ZNF579: variants seen among roughly 807,000 people sequenced by gnomAD.
ZNF579 encodes the protein zinc finger protein 579.
A neutral mutation model predicts 5.7 loss-of-function variants in ZNF579; 3 were observed. The observed-to-expected ratio is 0.53, with a 90% CI of 0.24 to 1.36. The LOEUF is 1.36. Among genes scored for constraint, ZNF579 ranks in the 40% most tolerant of loss-of-function variants. The pLI is 0.16. For missense variants in ZNF579, 679 were observed against 877.6 expected (o/e 0.77, Z 2.86); for synonymous variants, 454 against 409.0 (o/e 1.11, Z -1.33).
Position 55,578,249 on chromosome 19 carries a change from C to T in ZNF579, c.1391G>A (p.Arg464His), listed in dbSNP as rs1401216761. 3 of 1,392,132 alleles carry T rather than the reference C, an allele frequency of 2.2e-6. No homozygotes were observed. The highest frequency in any genetic ancestry group is 3.5e-5 in the Admixed American group (1 of 28,754). The allele number at this position is 1,392,132 out of a possible 1,614,324, so 86.2% of individuals were successfully genotyped here. Residue 464 changes from arginine (R) to histidine (H), a missense_variant, in exon 2 of 2, where the codon CGC becomes CAC. Transcript: ENST00000325421. ...YSLLRHQRCH[R>H]AELERAAALQ... ...CGCGGCGGCCCTCTCCAGCTCTGCG[C>T]GGTGGCAGCGCTGGTGGCGCAGGAG...
chr19:55,578,592 C>T lies in ZNF579; in HGVS notation c.1048G>A (p.Glu350Lys). The T allele has an allele frequency of 6.7e-7, 1 of 1,503,198 alleles. No individual in the cohort carries two copies. Among genetic ancestry groups the T allele is most frequent in the Non-Finnish European group, 8.8e-7 (1 of 1,137,650 alleles). The allele number at this position is 1,503,198 out of a possible 1,614,324, so 93.1% of individuals were successfully genotyped here. ...CCGCACTCCGCCCCCTCGCCCCCCT[C>T]CGGCCCCTTGGCTGAGTTCCGTGCA... ...SGARNSAKGP[E>K]GGEGAECGGA... Residue 350 changes from glutamate to lysine, a missense_variant, in exon 2 of 2, where the codon GAG becomes AAG. Around this residue, in one of 6 missense-constraint regions of ZNF579, gnomAD observed 114 missense variants for 98.9 expected, o/e 1.15. Coordinates refer to ENST00000325421, the MANE Select transcript of ZNF579 (RefSeq NM_152600.3).
In ZNF579 at chr19:55,579,781, A is replaced by G. The variant is rs1979586148; in HGVS notation, c.-2-140T>C. ...TATTTAGCCAGGAGAGAGATATGAG[A>G]CAGAGACAAAGATGAGAGACACCGA... On this transcript the variant is annotated intron_variant, in intron 1 of 1. Coordinates refer to ENST00000325421, the MANE Select transcript of ZNF579 (RefSeq NM_152600.3). 16 of 969,470 alleles carry G rather than the reference A, an allele frequency of 1.7e-5. No homozygotes were observed. In the South Asian group the frequency reaches 3.9e-4, roughly 24 times the overall value. 60.1% of individuals were successfully genotyped at this position (969,470 alleles called of 1,614,324 possible).
In ZNF579 at chr19:55,578,808, C is replaced by A. The variant is rs749575627; in HGVS notation, c.832G>T (p.Ala278Ser). The A allele has an allele frequency of 1.2e-6, 2 of 1,602,756 alleles. No homozygotes were observed. Among genetic ancestry groups the A allele is most frequent in the East Asian group, 2.3e-5 (1 of 44,398 alleles). The change falls in exon 2 of 2, where the codon GCC (alanine) becomes TCC (serine). Residue 278 changes from alanine (A) to serine (S), a missense_variant. By Grantham distance (99) the Ala-to-Ser change is moderately conservative. Coordinates refer to ENST00000325421, the MANE Select transcript of ZNF579 (RefSeq NM_152600.3). ...KRHQCSICLK[A>S]FARPWSLSRH... Reference sequence around the variant, plus strand: ...GACAGGGACCAGGGCCTGGCGAAGGCCTTGAGGCAGATGGAGCACTGGTGT... The same window carrying A: ...GACAGGGACCAGGGCCTGGCGAAGGACTTGAGGCAGATGGAGCACTGGTGT...
Position 55,579,396 on chromosome 19 carries a change from G to A in ZNF579, c.244C>T (p.Arg82Cys). 1 of 1,340,382 alleles carries A rather than the reference G, an allele frequency of 7.5e-7. No homozygotes were observed. Among genetic ancestry groups the A allele is most frequent in the Non-Finnish European group, 9.6e-7 (1 of 1,045,362 alleles). The allele number at this position is 1,340,382 out of a possible 1,614,324, so 83.0% of individuals were successfully genotyped here. ...TGGCGGGAAAGGTGGGCCGGCCGGCGGAAGGCCTTGGGGCACAGCGGGCAG... is the reference window on the plus strand; with the variant it reads ...TGGCGGGAAAGGTGGGCCGGCCGGCAGAAGGCCTTGGGGCACAGCGGGCAG... ...HACPLCPKAFRRPAHLSRHLR... is the reference protein window; with the variant it reads ...HACPLCPKAFCRPAHLSRHLR... The change falls in exon 2 of 2, where the codon CGC becomes TGC. Residue 82 changes from arginine to cysteine, a missense_variant. Transcript: ENST00000325421.
chr19:55,579,377 GA>G lies in ZNF579; in HGVS notation c.262del (p.Ser88ProfsTer119). ...GGGCCCGTGGCCGCGCAGGTGGCGGGAAAGGTGGGCCGGCCGGCGGAAGGCC... is the reference window on the plus strand; with the variant it reads ...GGGCCCGTGGCCGCGCAGGTGGCGGGAAGGTGGGCCGGCCGGCGGAAGGCC... ...PKAFRRPAHL[S>X]RHLRGHGPQP... On this transcript the variant is annotated frameshift_variant, in exon 2 of 2. Transcript: ENST00000325421. LOFTEE classifies it low-confidence loss of function (END_TRUNC). The G allele has an allele frequency of 2.2e-6, 3 of 1,340,632 alleles. No individual in the cohort carries two copies. Among genetic ancestry groups the G allele is most frequent in the Middle Eastern group, 2.6e-4 (1 of 3,810 alleles). The allele number at this position is 1,340,632 out of a possible 1,614,324, so 83.0% of individuals were successfully genotyped here. A position where few individuals can be genotyped will look rare whatever the true frequency, so the allele number is the denominator to read the frequency against.
chr19:55,577,969 C>A lies in ZNF579; in HGVS notation c.1671G>T (p.Leu557=), dbSNP rs776149356. 2 of 1,594,334 alleles carry A rather than the reference C, an allele frequency of 1.3e-6. No homozygotes were observed. The highest frequency in any genetic ancestry group is 1.7e-6 in the Non-Finnish European group (2 of 1,170,710). Reference sequence around the variant, plus strand: ...GCGAAGGTCAGGAGGCCAGGCCCCCCAGCCCGCGCAGGTGAGCCTTGCTGT... The same window carrying A: ...GCGAAGGTCAGGAGGCCAGGCCCCCAAGCCCGCGCAGGTGAGCCTTGCTGT... The part of the protein sequence containing the change: ...EVDSKAHLRG[L]GGLAS The change falls in exon 2 of 2, where the codon CTG becomes CTT. Residue 557 remains leucine, a synonymous_variant. Transcript: ENST00000325421.
At position 55,578,271 on chromosome 19, in the gene ZNF579, G is replaced by A. The variant is rs1191086044; in HGVS notation, c.1369C>T (p.Leu457=). ...GCGCGGTGGCAGCGCTGGTGGCGCAGGAGGCTGTAGGCGCGCGAGAAGCGG... is the reference window on the plus strand; with the variant it reads ...GCGCGGTGGCAGCGCTGGTGGCGCAAGAGGCTGTAGGCGCGCGAGAAGCGG... The part of the protein sequence containing the change: ...PRRFSRAYSL[L]RHQRCHRAEL... Residue 457 remains leucine (L), a synonymous_variant, in exon 2 of 2, where the codon CTG becomes TTG. Coordinates refer to ENST00000325421, the MANE Select transcript of ZNF579 (RefSeq NM_152600.3). 5.2e-6 allele frequency: 7 copies of A among 1,336,314 alleles called. No individual in the cohort carries two copies. The African/African-American group carries it at 7.8e-5, about 15-fold the overall frequency. The allele number at this position is 1,336,314 out of a possible 1,614,324, so 82.8% of individuals were successfully genotyped here.
chr19:55,578,437 C>G lies in ZNF579; in HGVS notation c.1203G>C (p.Gln401His), dbSNP rs1419073177. Reference sequence around the variant, plus strand: ...GCGCTCCCGAGTGGGTCACCCCGTGCTGCCGCAGGTGCGCCCGGCGCCTGA... The same window carrying G: ...GCGCTCCCGAGTGGGTCACCCCGTGGTGCCGCAGGTGCGCCCGGCGCCTGA... ...KGFRRRAHLR[Q>H]HGVTHSGARP... is the part of the protein sequence containing the mutation. The change falls in exon 2 of 2, where the codon CAG becomes CAC. Residue 401 changes from glutamine (Q) to histidine (H), a missense_variant. Transcript: ENST00000325421. 1.4e-6 allele frequency: 2 copies of G among 1,474,870 alleles called. No individual in the cohort carries two copies. Among genetic ancestry groups the G allele is most frequent in the Non-Finnish European group, 1.8e-6 (2 of 1,122,662 alleles). The allele number at this position is 1,474,870 out of a possible 1,614,324, so 91.4% of individuals were successfully genotyped here.
Position 55,578,505 on chromosome 19 carries a change from C to G in ZNF579, c.1135G>C (p.Ala379Pro), listed in dbSNP as rs552652206. 2.1e-6 allele frequency: 3 copies of G among 1,416,050 alleles called. No individual in the cohort carries two copies. Among genetic ancestry groups the G allele is most frequent in the African/African-American group, 3.1e-5 (2 of 65,290 alleles). 87.7% of individuals were successfully genotyped at this position (1,416,050 alleles called of 1,614,324 possible). Residue 379 changes from alanine to proline, a missense_variant, in exon 2 of 2, where the codon GCC becomes CCC. Physicochemically the swap from Ala to Pro is conservative, Grantham distance 27. This residue lies in a region of ZNF579 where 114 missense variants were observed against 98.9 expected (regional missense o/e 1.15). Coordinates refer to ENST00000325421, the MANE Select transcript of ZNF579 (RefSeq NM_152600.3). ...GGGCACCAGAAGCGGGGCTCCCCGG[C>G]GGGGGGCCGAGCCGGGGCGGCGTCG... is the stretch of plus-strand genomic sequence containing the variant. ...GGDAAPARPP[A>P]GEPRFWCPEC...
Position 55,579,439 on chromosome 19 carries a change from C to G in ZNF579, c.201G>C (p.Ser67=), listed in dbSNP as rs1467315718. ...YYLSRHRLSH[S]GLRPHACPLC... ...GCGGGCAGGCGTGGGGCCGGAGCCC[C>G]GAGTGGCTCAGCCGGTGCCGGGAGA... is the stretch of plus-strand genomic sequence containing the variant. The change falls in exon 2 of 2, where the codon TCG becomes TCC. Residue 67 remains serine (S), a synonymous_variant. Coordinates refer to ENST00000325421, the MANE Select transcript of ZNF579 (RefSeq NM_152600.3). 4 of 1,336,286 alleles carry G rather than the reference C, an allele frequency of 3.0e-6. No homozygotes were observed. Among genetic ancestry groups the G allele is most frequent in the Non-Finnish European group, 2.9e-6 (3 of 1,041,216 alleles). The allele number at this position is 1,336,286 out of a possible 1,614,324, so 82.8% of individuals were successfully genotyped here.
chr19:55,577,676 C>T lies in ZNF579; in HGVS notation c.*275G>A. On this transcript the variant is annotated 3_prime_UTR_variant, in exon 2 of 2. Coordinates refer to ENST00000325421, the MANE Select transcript of ZNF579 (RefSeq NM_152600.3). ...GACAGGGAGGCGGGGGCGTCCCCAC[C>T]AGTCTCCATCCCTCTGGCCAACTGT... is the stretch of plus-strand genomic sequence containing the variant. 1.9e-6 allele frequency: 1 copy of T among 528,740 alleles called. No individual in the cohort carries two copies. Among genetic ancestry groups the T allele is most frequent in the Non-Finnish European group, 3.3e-6 (1 of 303,548 alleles). The allele number at this position is 528,740 out of a possible 1,614,324, so 32.8% of individuals were successfully genotyped here.
Position 55,578,859 on chromosome 19 carries a change from C to CT in ZNF579, c.780dup (p.Gly261ArgfsTer248). 1 of 1,598,390 alleles carries CT rather than the reference C, an allele frequency of 6.3e-7. No homozygotes were observed. The highest frequency in any genetic ancestry group is 8.5e-7 in the Non-Finnish European group (1 of 1,172,122). ...CGCTTGGGGCGTGGCGGGGGCCCCC[C>CT]TTCCCCTTCCTGTTCGCCCTCGGGG... On this transcript the variant is annotated frameshift_variant, in exon 2 of 2. Coordinates refer to ENST00000325421, the MANE Select transcript of ZNF579 (RefSeq NM_152600.3). LOFTEE classifies it low-confidence loss of function (END_TRUNC).
chr19:55,577,941 G>A lies in ZNF579; in HGVS notation c.*10C>T, dbSNP rs1979436717. 2 of 1,578,244 alleles carry A rather than the reference G, an allele frequency of 1.3e-6. No individual in the cohort carries two copies. The highest frequency in any genetic ancestry group is 2.3e-5 in the East Asian group (1 of 43,280). On this transcript the variant is annotated 3_prime_UTR_variant, in exon 2 of 2. Transcript: ENST00000325421. ...CTCAGGCGGAGCGGCGGAGGGCAGGGCGGCGAAGGTCAGGAGGCCAGGCCC... is the reference window on the plus strand; with the variant it reads ...CTCAGGCGGAGCGGCGGAGGGCAGGACGGCGAAGGTCAGGAGGCCAGGCCC...
chr19:55,579,202 C>G lies in ZNF579; in HGVS notation c.438G>C (p.Pro146=). ...TGGGCGGCTCCGAGCCCTCGTCCTG[C>G]GGGCCCCAGCTGGGTTCGGCCGTCT... ...AKETAEPSWG[P]QDEGSEPPTT... Residue 146 remains proline, a synonymous_variant, in exon 2 of 2, where the codon CCG becomes CCC. Transcript: ENST00000325421. 1 of 1,524,170 alleles carries G rather than the reference C, an allele frequency of 6.6e-7. No homozygotes were observed. Among genetic ancestry groups the G allele is most frequent in the Non-Finnish European group, 8.8e-7 (1 of 1,141,404 alleles). The allele number at this position is 1,524,170 out of a possible 1,614,324, so 94.4% of individuals were successfully genotyped here.
chr19:55,578,496 G>C lies in ZNF579; in HGVS notation c.1144C>G (p.Pro382Ala). 1 of 1,421,400 alleles carries C rather than the reference G, an allele frequency of 7.0e-7. No homozygotes were observed. Among genetic ancestry groups the C allele is most frequent in the Non-Finnish European group, 9.1e-7 (1 of 1,098,766 alleles). The allele number at this position is 1,421,400 out of a possible 1,614,324, so 88.0% of individuals were successfully genotyped here. ...CCGCACTCTGGGCACCAGAAGCGGGGCTCCCCGGCGGGGGGCCGAGCCGGG... is the reference window on the plus strand; with the variant it reads ...CCGCACTCTGGGCACCAGAAGCGGGCCTCCCCGGCGGGGGGCCGAGCCGGG... Reference protein sequence around the residue: ...AAPARPPAGEPRFWCPECGKG... With the variant: ...AAPARPPAGEARFWCPECGKG... The change falls in exon 2 of 2, where the codon CCC (proline) becomes GCC (alanine). Residue 382 changes from proline (P) to alanine (A), a missense_variant. By Grantham distance (27) the Pro-to-Ala change is conservative. Transcript: ENST00000325421.
chr19:55,577,823 C>A lies in ZNF579; in HGVS notation c.*128G>T, dbSNP rs1388505218. On this transcript the variant is annotated 3_prime_UTR_variant, in exon 2 of 2. Transcript: ENST00000325421. ...GAGGAAGGGGCAGTCCAGGGCCCCC[C>A]ACTCCTTAGTGTCAAGGGCGTGAAG... is the stretch of plus-strand genomic sequence containing the variant. 2 of 1,467,944 alleles carry A rather than the reference C, an allele frequency of 1.4e-6. No homozygotes were observed. Among genetic ancestry groups the A allele is most frequent in the South Asian group, 1.4e-5 (1 of 72,290 alleles). The allele number at this position is 1,467,944 out of a possible 1,614,324, so 90.9% of individuals were successfully genotyped here.
Position 55,579,070 on chromosome 19 carries a change from C to T in ZNF579, c.570G>A (p.Glu190=). 2.0e-6 allele frequency: 3 copies of T among 1,529,288 alleles called. No homozygotes were observed. Among genetic ancestry groups the T allele is most frequent in the Non-Finnish European group, 2.6e-6 (3 of 1,144,252 alleles). The allele number at this position is 1,529,288 out of a possible 1,614,324, so 94.7% of individuals were successfully genotyped here. The change falls in exon 2 of 2, where the codon GAG becomes GAA. Residue 190 remains glutamate (E), a synonymous_variant. Coordinates refer to ENST00000325421, the MANE Select transcript of ZNF579 (RefSeq NM_152600.3). ...STLAAPTSAA[E]PRESESEEAE... is the part of the protein sequence containing the mutation. ...CCTCCTCCGACTCCGACTCCCGGGG[C>T]TCCGCGGCGCTGGTGGGCGCAGCCA... is the stretch of plus-strand genomic sequence containing the variant.
At chr19:55,580,399 T>A (rs896241828) in intron 1 of ZNF579, among the ~76,000 whole-genome samples, 3 of 147,504 alleles carry the variant, frequency 2.0e-5, no homozygotes, top group Non-Finnish European at 4.5e-5. Context: ...TTGGGACTGA[T>A]GGGGATGGGA....
At position 55,579,207 on chromosome 19, in the gene ZNF579, C is replaced by G. The variant is rs898953117; in HGVS notation, c.433G>C (p.Gly145Arg). The G allele has an allele frequency of 7.7e-5, 118 of 1,524,124 alleles. No individual in the cohort carries two copies. Among genetic ancestry groups the G allele is most frequent in the Admixed American group, 1.4e-4 (7 of 50,590 alleles). 94.4% of individuals were successfully genotyped at this position (1,524,124 alleles called of 1,614,324 possible). A position where few individuals can be genotyped will look rare whatever the true frequency, so the allele number is the denominator to read the frequency against. ...VAKETAEPSWGPQDEGSEPPT... is the reference protein window; with the variant it reads ...VAKETAEPSWRPQDEGSEPPT... ...GGCTCCGAGCCCTCGTCCTGCGGGC[C>G]CCAGCTGGGTTCGGCCGTCTCCTTG... is the stretch of plus-strand genomic sequence containing the variant. Residue 145 changes from glycine to arginine, a missense_variant, in exon 2 of 2, where the codon GGC becomes CGC. Physicochemically the swap from Gly to Arg is moderately radical, Grantham distance 125 (BLOSUM62 -2). Coordinates refer to ENST00000325421, the MANE Select transcript of ZNF579 (RefSeq NM_152600.3).
Sources: gnomAD v4.1 joint callset for allele counts (sites outside exome capture counted in the v4.1 genomes callset) on GRCh38, gnomAD v4.1.1 for gene constraint, gnomAD v4.1.1 regional missense constraint, MANE v1.5 for transcripts, NCBI Gene and HGNC (gene_info 2026-07-23, HGNC 2026-07-21) for gene names.